TRERF1: variants seen among roughly 807,000 people sequenced by gnomAD.
The protein encoded by TRERF1 is transcriptional regulating factor 1, also known as transcriptional-regulating factor 1.
TRERF1 carries 27 observed loss-of-function variants against 122.9 expected under a neutral mutation model. The observed-to-expected ratio is 0.22, with a 90% confidence interval of 0.16 to 0.30. The LOEUF is 0.30. TRERF1 is among the 10% of genes least tolerant of loss of function. TRERF1 has a pLI of 1.00. For synonymous variants in TRERF1, 636 were observed against 641.7 expected, an observed-to-expected ratio of 0.99 and a Z score of 0.13; for missense variants, 1,248 against 1,560.3, an observed-to-expected ratio of 0.80 and a Z score of 3.37.
At chr6:42,395,777 C>A (rs1778476258) in intron 2 of TRERF1, among the ~76,000 whole-genome samples, 1 of 151,816 alleles carries the variant, frequency 6.6e-6, no homozygotes, top group Non-Finnish European at 1.5e-5. Context: ...CATGATCACC[C>A]CTCAAGCAAA....
intron 2 of TRERF1, among the ~76,000 whole-genome samples, chr6:42,396,073 G>A (rs73733175): frequency 0.099 from 15,008 of 152,094 alleles, 1,161 homozygotes; most frequent in African/African-American, 0.22. Context: ...CTTCACACCT[G>A]GAATGTCCCA....
intron 2 of TRERF1, among the ~76,000 whole-genome samples, chr6:42,416,554 A>G (rs945885788): frequency 5.9e-5 from 9 of 152,280 alleles, no homozygotes; most frequent in Non-Finnish European, 8.8e-5. Flanking sequence ...TCCCGTGACC[A>G]TGGAGTTCTT....
intron 2 of TRERF1, among the ~76,000 whole-genome samples, chr6:42,371,856 T>C (rs1197586218): frequency 6.6e-6 from 1 of 152,140 alleles, no homozygotes; most frequent in Non-Finnish European, 1.5e-5. Context: ...TCTGTTTAAG[T>C]AGGAGGTATG....
chr6:42,237,086 A>G (rs966569008), intron 15 of TRERF1, among the ~76,000 whole-genome samples: 3 of 152,198 alleles, frequency 2.0e-5, no homozygotes. Context: ...CAATGTTTCT[A>G]TTTATTCATT....
intron 2 of TRERF1, among the ~76,000 whole-genome samples, chr6:42,433,631 T>A (rs960883517): frequency 1.3e-5 from 2 of 152,098 alleles, no homozygotes; most frequent in Non-Finnish European, 2.9e-5. Context: ...TCACCAAGCA[T>A]GTCAGGAAAT....
chr6:42,238,871 A>ACACACACACAC (rs1554124321), intron 15 of TRERF1, among the ~76,000 whole-genome samples: 2 of 117,892 alleles, frequency 1.7e-5, no homozygotes, highest in East Asian at 2.5e-4. Flanking sequence ...ACACACACAC[A>ACACACACACAC]ATTTCTAGTT....
At chr6:42,392,505 T>C (rs555419212) in intron 2 of TRERF1, among the ~76,000 whole-genome samples, 1 of 152,192 alleles carries the variant, frequency 6.6e-6, no homozygotes, top group Non-Finnish European at 1.5e-5. Flanking sequence ...CTCTTTATTA[T>C]ACCCTGGGCA....
At chr6:42,262,601 C>CAGAGAGAGAGAGACAGAGAGAGAG (rs1554134255) in intron 8 of TRERF1, among the ~76,000 whole-genome samples, 1 of 59,132 alleles carries the variant, frequency 1.7e-5, no homozygotes, top group African/African-American at 8.2e-5. Flanking sequence ...GAGAGAGAGA[C>CAGAGAGAGAGAGACAGAGAGAGAG]AGACAGACGG....
intron 2 of TRERF1, among the ~76,000 whole-genome samples, chr6:42,440,077 G>A (rs1417544037): frequency 6.6e-6 from 1 of 152,154 alleles, no homozygotes; most frequent in Non-Finnish European, 1.5e-5. Context: ...CAGGGATGGG[G>A]GCAGGGCACT....
intron 2 of TRERF1, among the ~76,000 whole-genome samples, chr6:42,380,269 A>T (rs1775695415): frequency 2.0e-5 from 3 of 152,160 alleles, no homozygotes; most frequent in Admixed American, 6.5e-5. Flanking sequence ...CTGAGGCCAC[A>T]GCTAGGCCCT....
rs748968158 is a variant in TRERF1 at position 42,259,372 on chromosome 6, T to A, written c.2236A>T (p.Thr746Ser). The change falls in exon 9 of 18, where the codon ACG (threonine) becomes TCG (serine). Residue 746 changes from threonine (T) to serine (S), a missense_variant. Thr to Ser is a moderately conservative substitution (Grantham distance 58). This residue lies in a region of TRERF1 where 946 missense variants were observed against 1,073.0 expected (regional missense o/e 0.88). Coordinates refer to ENST00000372922, the Ensembl canonical transcript of TRERF1. This position sits in a 1 kb window ranked among gnomAD's most constrained non-coding sequence, Gnocchi z 4.9. ...CACAGCAGCACCCGTGGTGTGGGCG[T>A]CAGGGGCGTCAGGGGCAGCTGCGGG... The A allele has an allele frequency of 4.6e-6, 7 of 1,517,668 alleles. No homozygotes were observed. In the Admixed American group the frequency reaches 1.5e-4, roughly 33 times the overall value. The allele number at this position is 1,517,668 out of a possible 1,614,324, so 94.0% of individuals were successfully genotyped here.
At chr6:42,434,291 A>T (rs1445579797) in intron 2 of TRERF1, among the ~76,000 whole-genome samples, 1 of 152,024 alleles carries the variant, frequency 6.6e-6, no homozygotes, top group East Asian at 1.9e-4. Context: ...CTGACCAAAA[A>T]CACAGAGCCA....
intron 2 of TRERF1, among the ~76,000 whole-genome samples, chr6:42,445,353 G>GAC (rs57862861): frequency 0.045 from 3,859 of 86,640 alleles, 66 homozygotes; most frequent in Middle Eastern, 0.12. Flanking sequence ...TACACACACA[G>GAC]ACACACACAC....
intron 8 of TRERF1, among the ~76,000 whole-genome samples, chr6:42,261,915 C>T (rs772560870): frequency 8.5e-5 from 13 of 152,144 alleles, no homozygotes; most frequent in South Asian, 2.1e-4. Context: ...CAGGTGTATT[C>T]TCATCCAGTC....
chr6:42,365,909 C>T (rs1532243), intron 2 of TRERF1, among the ~76,000 whole-genome samples: 6,607 of 152,270 alleles, frequency 0.043, 192 homozygotes, highest in South Asian at 0.054. Flanking sequence ...TTGGAGGCTC[C>T]TCAATACAGG....
intron 4 of TRERF1, among the ~76,000 whole-genome samples, chr6:42,296,127 C>CA: frequency 6.6e-6 from 1 of 152,174 alleles, no homozygotes; most frequent in Non-Finnish European, 1.5e-5. Flanking sequence ...GGCACCAGGA[C>CA]ACAGGGCACA....
At chr6:42,312,290 G>A (rs893442533) in intron 3 of TRERF1, among the ~76,000 whole-genome samples, 5 of 152,312 alleles carry the variant, frequency 3.3e-5, no homozygotes, top group Admixed American at 6.5e-5. Flanking sequence ...GCAGATAGAT[G>A]AGCCCCAGCT....
intron 2 of TRERF1, among the ~76,000 whole-genome samples, chr6:42,448,892 C>T (rs1201475500): frequency 6.6e-6 from 1 of 152,148 alleles, no homozygotes; most frequent in Non-Finnish European, 1.5e-5. Flanking sequence ...AAAAATAACG[C>T]TTTCGGTTAT....
chr6:42,250,338 C>T (rs1775520268), intron 13 of TRERF1, among the ~76,000 whole-genome samples: 1 of 152,226 alleles, frequency 6.6e-6, no homozygotes, highest in South Asian at 2.1e-4. Context: ...TATCCACAGT[C>T]TCACTGCTGG....
Sources: gnomAD v4.1 joint callset for allele counts (sites outside exome capture counted in the v4.1 genomes callset) on GRCh38, gnomAD v4.1.1 for gene constraint, gnomAD v4.1.1 regional missense constraint, Gnocchi (gnomAD v3.1) non-coding constraint, MANE v1.5 for transcripts, NCBI Gene and HGNC (gene_info 2026-07-23, HGNC 2026-07-21) for gene names.